PTPRD: variants seen among roughly 807,000 people sequenced by gnomAD.
The protein encoded by PTPRD is protein tyrosine phosphatase receptor type D, also known as receptor-type tyrosine-protein phosphatase delta.
A neutral mutation model predicts 214.5 loss-of-function variants in PTPRD; 34 were observed. The observed-to-expected ratio is 0.16, with a 90% CI of 0.12 to 0.21. The LOEUF (loss-of-function observed/expected upper bound fraction) is 0.21, where lower values mean the gene tolerates loss of function less well. PTPRD is among the 10% of genes least tolerant of loss of function. The pLI, the probability that PTPRD is intolerant of heterozygous loss-of-function variation, is 1.00. For synonymous variants in PTPRD, 1,128 were observed against 845.7 expected, an observed-to-expected ratio of 1.33 and a Z score of -5.79; for missense variants, 2,545 against 2,398.7, an observed-to-expected ratio of 1.06 and a Z score of -1.27.
intron 5 of PTPRD, among the ~76,000 whole-genome samples, chr9:9,845,028 A>G (rs1320166035): frequency 1.4e-5 from 2 of 145,430 alleles, no homozygotes; most frequent in Non-Finnish European, 3.0e-5. Flanking sequence ...GTATATATAT[A>G]CTGCTATATA....
chr9:8,913,551 T>G lies in PTPRD; in HGVS notation c.-104+105146A>C, dbSNP rs148669837. Among the ~76,000 whole-genome samples the G allele has an allele frequency of 6.8e-3, 1,038 of 152,270 alleles. 10 individuals are homozygous for G. Among genetic ancestry groups the G allele is most frequent in the Middle Eastern group, 0.027 (8 of 294 alleles). On this transcript the variant is annotated intron_variant, in intron 11 of 45. Transcript: ENST00000381196. ...CATAGCTCATATTTTTTTCTTAATTTAAATAAAAAAGTATTATAATGAGTG... is the reference window on the plus strand; with the variant it reads ...CATAGCTCATATTTTTTTCTTAATTGAAATAAAAAAGTATTATAATGAGTG...
At chr9:9,242,950 T>C (rs953848014) in intron 9 of PTPRD, among the ~76,000 whole-genome samples, 6 of 10,828 alleles carry the variant, frequency 5.5e-4, no homozygotes, top group African/African-American at 2.1e-3. Flanking sequence ...TCTCTTCTGT[T>C]TTTTTCCCCA....
intron 3 of PTPRD, among the ~76,000 whole-genome samples, chr9:10,186,168 C>T (rs1331947468): frequency 6.6e-6 from 1 of 151,814 alleles, no homozygotes; most frequent in South Asian, 2.1e-4. Context: ...ACTATTGGAT[C>T]AACGTTTTTG....
intron 11 of PTPRD, among the ~76,000 whole-genome samples, chr9:8,915,472 C>A (rs1471277567): frequency 1.3e-5 from 2 of 151,988 alleles, no homozygotes; most frequent in East Asian, 3.9e-4. Flanking sequence ...AAGATCGGAA[C>A]AATGTGATAT....
rs564425027 is a variant in PTPRD, at chr9:8,638,832, TTTTATTTATTTTTATTTA to T, written c.65-2006_65-1989del. On this transcript the variant is annotated intron_variant, in intron 12 of 45. Coordinates refer to ENST00000381196, the MANE Select transcript of PTPRD (RefSeq NM_002839.4). ...GGGAAGTACTTAAAATAATTTTATT[TTTTATTTATTTTTATTTA>T]TTTATTTATTTTAGATGGAGTCTCA... 9.2e-5 allele frequency among the ~76,000 whole-genome samples: 14 copies of T among 152,206 alleles called. No individual in the cohort carries two copies. The South Asian group carries it at 1.5e-3, about 16-fold the overall frequency.
chr9:9,914,450 A>G (rs1415942072), intron 5 of PTPRD, among the ~76,000 whole-genome samples: 1 of 152,100 alleles, frequency 6.6e-6, no homozygotes. Context: ...TCAGGGGCCT[A>G]AGAAATAACC....
At chr9:10,107,046 G>T (rs2098640388) in intron 3 of PTPRD, among the ~76,000 whole-genome samples, 1 of 151,920 alleles carries the variant, frequency 6.6e-6, no homozygotes, top group South Asian at 2.1e-4. Context: ...GCTTGAGCCT[G>T]GGGAACTAGA....
chr9:9,172,346 G>A (rs1257266847), intron 10 of PTPRD, among the ~76,000 whole-genome samples: 1 of 152,116 alleles, frequency 6.6e-6, no homozygotes, highest in Non-Finnish European at 1.5e-5. Context: ...CAATGACACA[G>A]TAGCAAAGTA....
At chr9:9,824,203 C>G (rs2051848554) in intron 5 of PTPRD, among the ~76,000 whole-genome samples, 1 of 151,942 alleles carries the variant, frequency 6.6e-6, no homozygotes, top group South Asian at 2.1e-4. Context: ...ATTCAGAAAT[C>G]CAAAACATTT....
intron 7 of PTPRD, among the ~76,000 whole-genome samples, chr9:9,609,296 G>A (rs372195209): frequency 1.3e-5 from 2 of 152,042 alleles, no homozygotes; most frequent in East Asian, 1.9e-4. Flanking sequence ...CAACAATTCA[G>A]TCTGAGGTTG....
chr9:9,230,821 A>G (rs1451164216), intron 9 of PTPRD, among the ~76,000 whole-genome samples: 2 of 152,142 alleles, frequency 1.3e-5, no homozygotes, highest in Admixed American at 6.6e-5. Flanking sequence ...AAAAAGACTA[A>G]CCTGAGAGAT....
At chr9:10,059,596 T>G (rs1028456989) in intron 3 of PTPRD, among the ~76,000 whole-genome samples, 6 of 152,122 alleles carry the variant, frequency 3.9e-5, no homozygotes, top group Admixed American at 1.3e-4. Context: ...GCTTAGCATT[T>G]GAACAGATTG....
intron 9 of PTPRD, among the ~76,000 whole-genome samples, chr9:9,279,607 C>T (rs928889883): frequency 3.3e-5 from 5 of 150,522 alleles, no homozygotes; most frequent in African/African-American, 1.2e-4. Flanking sequence ...TGGGATTTCA[C>T]TAAAAGGTAA....
intron 10 of PTPRD, among the ~76,000 whole-genome samples, chr9:9,089,730 A>G (rs1173003134): frequency 2.6e-5 from 4 of 152,196 alleles, no homozygotes; most frequent in African/African-American, 9.7e-5. Context: ...GGGTTGGTGT[A>G]GAAGGGTAAT....
chr9:10,405,486 C>T (rs575953464), intron 2 of PTPRD, among the ~76,000 whole-genome samples: 2 of 150,708 alleles, frequency 1.3e-5, no homozygotes, highest in African/African-American at 4.8e-5. Context: ...ACAGTTGCCA[C>T]AGTACAACAT....
chr9:9,662,491 A>G (rs752846259), intron 7 of PTPRD, among the ~76,000 whole-genome samples: 2 of 151,726 alleles, frequency 1.3e-5, no homozygotes, highest in Admixed American at 6.6e-5. Context: ...CAGCAAGGAT[A>G]TGAAAGCTGA....
chr9:10,464,567 G>T (rs374525509), intron 2 of PTPRD, among the ~76,000 whole-genome samples: 1 of 152,028 alleles, frequency 6.6e-6, no homozygotes, highest in Non-Finnish European at 1.5e-5. Context: ...TGTGTGAGGA[G>T]AGCATACAGA....
intron 12 of PTPRD, 61 bp downstream of exon 12, chr9:8,733,719 A>C (rs2154434633): frequency 6.6e-7 from 1 of 1,518,998 alleles, no homozygotes; most frequent in East Asian, 2.5e-5. Context: ...GCCTGGTGCC[A>C]ACTGCAAACA....
At chr9:9,393,225 C>G (rs555448413) in intron 9 of PTPRD, among the ~76,000 whole-genome samples, 34 of 150,724 alleles carry the variant, frequency 2.3e-4, no homozygotes, top group African/African-American at 8.3e-4. Context: ...ACCATGCCTC[C>G]AGGTATGCGT....
Sources: allele counts gnomAD v4.1 joint callset (sites outside exome capture counted in the v4.1 genomes callset), GRCh38; gene constraint gnomAD v4.1.1; transcripts MANE v1.5; gene names NCBI Gene and HGNC (gene_info 2026-07-23, HGNC 2026-07-21).